The following PCNX1 variants were observed in gnomAD, a reference collection of about 807,000 sequenced individuals.
PCNX1 encodes pecanex 1, also known as pecanex-like protein 1.
In PCNX1, 78 loss-of-function variants were observed where a neutral mutation model predicts 242.2. The observed-to-expected ratio is 0.32, with a 90% CI of 0.27 to 0.39. The LOEUF (loss-of-function observed/expected upper bound fraction) is 0.39, where lower values mean the gene tolerates loss of function less well. PCNX1 is among the 10% of genes least tolerant of loss of function. The pLI is 1.00. For missense variants in PCNX1, 2,581 were observed against 2,856.5 expected, an observed-to-expected ratio of 0.90 and a Z score of 2.20; for synonymous variants, 1,024 against 1,032.9, an observed-to-expected ratio of 0.99 and a Z score of 0.17.
chr14:71,076,038 T>C (rs2061709979), intron 27 of PCNX1, 151 bp from the exon 28 acceptor site: 1 of 585,490 alleles, frequency 1.7e-6, no homozygotes, highest in Admixed American at 3.0e-5. Flanking sequence ...ATGTAGAATA[T>C]TGAGGGGGAA....
intron 2 of PCNX1, among the ~76,000 whole-genome samples, chr14:70,953,208 G>C (rs902278021): frequency 6.6e-6 from 1 of 152,168 alleles, no homozygotes; most frequent in Non-Finnish European, 1.5e-5. Flanking sequence ...GAGACCAGGA[G>C]TTCAAGAGTT....
chr14:70,990,437 A>G (rs10148324), intron 7 of PCNX1, among the ~76,000 whole-genome samples: 83,871 of 151,216 alleles, frequency 0.55, 24,558 homozygotes, highest in East Asian at 0.74. Context: ...GGTGGTACGC[A>G]CCTGTAGTCC....
chr14:70,993,555 A>C (rs1243901907), intron 7 of PCNX1, among the ~76,000 whole-genome samples: 1 of 152,166 alleles, frequency 6.6e-6, no homozygotes, highest in Non-Finnish European at 1.5e-5. Context: ...TGCATTGTCT[A>C]ATATCTTAAA....
intron 3 of PCNX1, among the ~76,000 whole-genome samples, chr14:70,967,390 C>T (rs757260124): frequency 1.3e-5 from 2 of 152,114 alleles, no homozygotes; most frequent in Admixed American, 6.5e-5. Context: ...TCCATGAAAA[C>T]GAGTTACAGG....
intron 26 of PCNX1, among the ~76,000 whole-genome samples, chr14:71,062,709 T>C (rs1169766915): frequency 6.6e-6 from 1 of 152,180 alleles, no homozygotes; most frequent in Non-Finnish European, 1.5e-5. Context: ...GCCTAAGGTA[T>C]AGTGTTTATA....
At chr14:71,076,974 T>TTAGA (rs1324471837) in intron 28 of PCNX1, among the ~76,000 whole-genome samples, 1 of 152,200 alleles carries the variant, frequency 6.6e-6, no homozygotes, top group African/African-American at 2.4e-5. Context: ...GACTACCATA[T>TTAGA]TAGACAGTGT....
At chr14:71,038,545 G>A (rs1189308351) in intron 19 of PCNX1, among the ~76,000 whole-genome samples, 1 of 152,124 alleles carries the variant, frequency 6.6e-6, no homozygotes, top group Non-Finnish European at 1.5e-5. Flanking sequence ...ACACCAGTTA[G>A]AATGGTGATC....
chr14:71,002,358 C>T (rs1049547250), intron 8 of PCNX1, among the ~76,000 whole-genome samples: 15 of 152,262 alleles, frequency 9.9e-5, no homozygotes, highest in South Asian at 2.1e-4. Context: ...CTTGTTTCTT[C>T]ATCAATTTTA....
At position 71,011,473 on chromosome 14, in the gene PCNX1, A is replaced by G. The variant is rs762927021; in HGVS notation, c.2721-19A>G. ...CTTTCTGCTTGACAAACTGTTCCCT[A>G]TTTTTTATTTTATTTTAGTGACACA... On this transcript the variant is annotated intron_variant, in intron 9 of 35. Transcript: ENST00000304743. The G allele has an allele frequency of 1.8e-5, 26 of 1,426,076 alleles. No homozygotes were observed. In the South Asian group the frequency reaches 3.1e-4, roughly 17 times the overall value. The allele number at this position is 1,426,076 out of a possible 1,614,324, so 88.3% of individuals were successfully genotyped here.
At chr14:71,011,375 T>C in intron 9 of PCNX1, 117 bp from the exon 10 acceptor site, 1 of 689,582 alleles carries the variant, frequency 1.5e-6, no homozygotes, top group Non-Finnish European at 2.6e-6. Context: ...GAAAATGCTA[T>C]TTTGCATTTT....
intron 8 of PCNX1, among the ~76,000 whole-genome samples, chr14:70,999,733 TC>T (rs1479824723): frequency 6.6e-6 from 1 of 152,182 alleles, no homozygotes; most frequent in Non-Finnish European, 1.5e-5. Flanking sequence ...ACATTGCTCT[TC>T]CTATTAAGCA....
chr14:70,916,735 G>A (rs1268418892), intron 1 of PCNX1, among the ~76,000 whole-genome samples: 1 of 152,186 alleles, frequency 6.6e-6, no homozygotes, highest in Non-Finnish European at 1.5e-5. Context: ...AGACCAGGGG[G>A]TGACTGTTGA....
intron 7 of PCNX1, among the ~76,000 whole-genome samples, chr14:70,992,770 T>C (rs918044358): frequency 6.6e-6 from 1 of 152,180 alleles, no homozygotes; most frequent in African/African-American, 2.4e-5. Context: ...AGTTTTGACA[T>C]AGAAGCGTAA....
At chr14:70,932,698 C>T (rs981215926) in intron 1 of PCNX1, among the ~76,000 whole-genome samples, 1 of 151,930 alleles carries the variant, frequency 6.6e-6, no homozygotes, top group African/African-American at 2.4e-5. Flanking sequence ...CTGCAACCTC[C>T]GTCTCCTGGG....
Position 71,005,921 on chromosome 14 carries a change from CT to C in PCNX1, c.2630-3694del, listed in dbSNP as rs372502839. Among the ~76,000 whole-genome samples the C allele has an allele frequency of 3.6e-3, 486 of 134,864 alleles. 3 individuals are homozygous for C. Among genetic ancestry groups the C allele is most frequent in the African/African-American group, 7.2e-3 (264 of 36,582 alleles). The allele number at this position is 134,864 out of a possible 152,430, so 88.5% of individuals were successfully genotyped here. A position where few individuals can be genotyped will look rare whatever the true frequency, so the allele number is the denominator to read the frequency against. On this transcript the variant is annotated intron_variant, in intron 8 of 35. Coordinates refer to ENST00000304743, the MANE Select transcript of PCNX1 (RefSeq NM_014982.3). ...TGCTAAGAAATACTAGGTATCTTAA[CT>C]TTTTTTTTTTTTTTTTTTGAGACAG...
chr14:70,956,157 T>C (rs1464437609), intron 2 of PCNX1, among the ~76,000 whole-genome samples: 1 of 152,180 alleles, frequency 6.6e-6, no homozygotes, highest in Non-Finnish European at 1.5e-5. Context: ...GTACTGAGTT[T>C]TAAAATCCCT....
rs1237441416 is a variant in PCNX1 at position 71,073,594 on chromosome 14, G to A, written c.4902G>A (p.Glu1634=). The A allele has an allele frequency of 1.2e-6, 2 of 1,613,896 alleles. No individual in the cohort carries two copies. Among genetic ancestry groups the A allele is most frequent in the East Asian group, 4.5e-5 (2 of 44,878 alleles). ...REVEAITEGV[E]EDEGFCCCEP... is the part of the protein sequence containing the mutation. ...TGGAGGCCATTACTGAAGGTGTAGAGGAAGATGAAGGATTTTGCTGTTGTG... is the reference window on the plus strand; with the variant it reads ...TGGAGGCCATTACTGAAGGTGTAGAAGAAGATGAAGGATTTTGCTGTTGTG... The change falls in exon 27 of 36, where the codon GAG becomes GAA. Residue 1634 remains glutamate, a synonymous_variant. Coordinates refer to ENST00000304743, the MANE Select transcript of PCNX1 (RefSeq NM_014982.3).
rs764816959 is a variant in PCNX1, at chr14:70,947,119, C to T, written c.358C>T (p.Pro120Ser). ...CSTRRKDSNG[P>S]SDPGGGIEMS... ...AACCAGGAGAAAAGACAGCAATGGA[C>T]CGAGGTAAGGAAACCTATGTCATTG... Residue 120 changes from proline to serine, a missense_variant, in exon 2 of 36, where the codon CCG becomes TCG. By Grantham distance (74) the Pro-to-Ser change is moderately conservative. This residue lies in a region of PCNX1 where 1,204 missense variants were observed against 1,216.7 expected (regional missense o/e 0.99). Coordinates refer to ENST00000304743, the MANE Select transcript of PCNX1 (RefSeq NM_014982.3). 4 of 1,604,372 alleles carry T rather than the reference C, an allele frequency of 2.5e-6. No individual in the cohort carries two copies. In the South Asian group the frequency reaches 3.3e-5, roughly 13 times the overall value.
chr14:70,969,367 T>C (rs1427013169), intron 5 of PCNX1: 7 of 319,890 alleles, frequency 2.2e-5, no homozygotes, highest in Non-Finnish European at 3.5e-5. Flanking sequence ...AGAGTGAATA[T>C]GAGATGGGAG....
Sources: gnomAD v4.1 joint callset for allele counts (sites outside exome capture counted in the v4.1 genomes callset) on GRCh38, gnomAD v4.1.1 for gene constraint, gnomAD v4.1.1 regional missense constraint, MANE v1.5 for transcripts, NCBI Gene and HGNC (gene_info 2026-07-23, HGNC 2026-07-21) for gene names.